Variants in CCSER2 observed in about 807,000 individuals in gnomAD.
CCSER2 encodes the protein serine-rich coiled-coil domain-containing protein 2.
A neutral mutation model predicts 92.3 loss-of-function variants in CCSER2; 46 were observed. The ratio of observed to expected loss-of-function variants is 0.50; its 90% CI spans 0.39 to 0.64. The LOEUF is 0.64. Ranked by LOEUF, CCSER2 falls within the 30% of genes least tolerant of loss-of-function variation. The probability of loss-of-function intolerance (pLI) is 0.00; values close to 1 mark genes in which losing one functional copy is unlikely to be tolerated. For synonymous variants in CCSER2, 433 were observed against 431.4 expected (o/e 1.00, Z -0.04); for missense variants, 1,244 against 1,238.9 (o/e 1.00, Z -0.06).
chr10:84,380,625 C>T (rs932609783), intron 3 of CCSER2, among the ~76,000 whole-genome samples: 1 of 151,688 alleles, frequency 6.6e-6, no homozygotes, highest in African/African-American at 2.4e-5. Flanking sequence ...GGCTCCGGAA[C>T]AAGCTAAGTT....
intron 3 of CCSER2, among the ~76,000 whole-genome samples, chr10:84,404,201 C>T (rs1265783428): frequency 6.6e-6 from 1 of 152,184 alleles, no homozygotes; most frequent in Non-Finnish European, 1.5e-5. Flanking sequence ...CCACAGGATA[C>T]ACAGGGGGCT....
intron 9 of CCSER2, among the ~76,000 whole-genome samples, chr10:84,506,149 A>AAC (rs1443315356): frequency 6.6e-6 from 1 of 151,844 alleles, no homozygotes; most frequent in Non-Finnish European, 1.5e-5. Context: ...CTTAAAAAAA[A>AAC]AAAAACCAAA....
intron 6 of CCSER2, 109 bp from the exon 7 acceptor site, chr10:84,463,824 A>G: frequency 1.5e-6 from 1 of 666,104 alleles, no homozygotes; most frequent in East Asian, 2.8e-5. Context: ...TCACCATGCT[A>G]GCATTTGGTC....
At chr10:84,447,425 G>A (rs1176077099) in intron 6 of CCSER2, among the ~76,000 whole-genome samples, 1 of 152,048 alleles carries the variant, frequency 6.6e-6, no homozygotes, top group Admixed American at 6.5e-5. Context: ...CGAGATTTTT[G>A]TATATTCTAG....
intron 3 of CCSER2, among the ~76,000 whole-genome samples, chr10:84,378,894 G>A (rs2133203692): frequency 6.6e-6 from 1 of 152,204 alleles, no homozygotes; most frequent in Middle Eastern, 3.4e-3. Context: ...CTATGTTTTT[G>A]CATGTATGTT....
intron 6 of CCSER2, among the ~76,000 whole-genome samples, chr10:84,449,457 T>TG (rs1456658039): frequency 6.6e-6 from 1 of 152,206 alleles, no homozygotes; most frequent in Non-Finnish European, 1.5e-5. Context: ...TTGGAAAAGT[T>TG]GCTTAAACTC....
intron 6 of CCSER2, among the ~76,000 whole-genome samples, chr10:84,448,751 C>A (rs951660694): frequency 6.6e-6 from 1 of 152,164 alleles, no homozygotes; most frequent in Non-Finnish European, 1.5e-5. Context: ...TTCTCAAACC[C>A]GGCCCAGGCA....
chr10:84,341,403 T>C (rs1844178167), intron 1 of CCSER2, among the ~76,000 whole-genome samples: 1 of 145,264 alleles, frequency 6.9e-6, no homozygotes, highest in Non-Finnish European at 1.5e-5. Flanking sequence ...TGGGCTGGTC[T>C]CAAACTCCTA....
At chr10:84,413,037 TC>T (rs1266786246) in intron 3 of CCSER2, among the ~76,000 whole-genome samples, 1 of 152,188 alleles carries the variant, frequency 6.6e-6, no homozygotes, top group South Asian at 2.1e-4. Flanking sequence ...TTCTCTCTTT[TC>T]TTCTTTACTA....
intron 1 of CCSER2, among the ~76,000 whole-genome samples, chr10:84,348,511 G>GCCTCT (rs1844678144): frequency 2.0e-5 from 3 of 151,716 alleles, no homozygotes. Flanking sequence ...AGAGGGAGAG[G>GCCTCT]GCAAGGGCGA....
chr10:84,479,798 C>T (rs751952026), intron 9 of CCSER2, among the ~76,000 whole-genome samples: 1 of 152,098 alleles, frequency 6.6e-6, no homozygotes, highest in African/African-American at 2.4e-5. Flanking sequence ...AACTTGTATA[C>T]AGCAGTCTTA....
At chr10:84,361,221 G>A (rs2133116861) in intron 1 of CCSER2, among the ~76,000 whole-genome samples, 1 of 152,352 alleles carries the variant, frequency 6.6e-6, no homozygotes, top group Admixed American at 6.5e-5. Flanking sequence ...CTTTTAAGCA[G>A]ACATTAAAAT....
intron 9 of CCSER2, among the ~76,000 whole-genome samples, chr10:84,507,821 A>G (rs955378929): frequency 3.3e-5 from 5 of 152,128 alleles, no homozygotes; most frequent in South Asian, 2.1e-4. Context: ...TGTTTCCCCC[A>G]ATGGGTCACT....
intron 3 of CCSER2, among the ~76,000 whole-genome samples, chr10:84,399,267 A>G (rs941962752): frequency 6.6e-6 from 1 of 152,144 alleles, no homozygotes; most frequent in Non-Finnish European, 1.5e-5. Flanking sequence ...GCTCCCACTT[A>G]TAAGTGAGAG....
At chr10:84,499,236 A>G (rs1394328888) in intron 9 of CCSER2, among the ~76,000 whole-genome samples, 1 of 152,080 alleles carries the variant, frequency 6.6e-6, no homozygotes, top group Non-Finnish European at 1.5e-5. Context: ...CCCAGGTTCA[A>G]GCAATTCTCC....
chr10:84,455,432 T>C (rs4933325), intron 6 of CCSER2: 200,023 of 232,410 alleles, frequency 0.86, 86,243 homozygotes, highest in East Asian at 0.9. Flanking sequence ...CCTGCCACCA[T>C]ATGTGGCTAA....
intron 3 of CCSER2, among the ~76,000 whole-genome samples, chr10:84,400,831 T>C (rs1478619634): frequency 6.6e-6 from 1 of 152,108 alleles, no homozygotes. Flanking sequence ...GGAGAATTGC[T>C]TGAACCAGGG....
chr10:84,378,222 TTAAG>T (rs1265873606), intron 3 of CCSER2, among the ~76,000 whole-genome samples: 2 of 152,024 alleles, frequency 1.3e-5, no homozygotes, highest in African/African-American at 4.8e-5. Context: ...TGAATGAATA[TTAAG>T]TTTTACCAAA....
chr10:84,353,662 C>A (rs1286077540), intron 1 of CCSER2, among the ~76,000 whole-genome samples: 3 of 152,122 alleles, frequency 2.0e-5, no homozygotes, highest in African/African-American at 7.2e-5. Context: ...ACCACAGGCA[C>A]AATGTTTACC....
Sources: allele counts gnomAD v4.1 joint callset (sites outside exome capture counted in the v4.1 genomes callset), GRCh38; gene constraint gnomAD v4.1.1; transcripts MANE v1.5; gene names NCBI Gene and HGNC (gene_info 2026-07-23, HGNC 2026-07-21).